ALDH4A1: variants seen among roughly 807,000 people sequenced by gnomAD.
ALDH4A1 encodes delta-1-pyrroline-5-carboxylate dehydrogenase, mitochondrial.
A neutral mutation model predicts 70.5 loss-of-function variants in ALDH4A1; 46 were observed. That is an observed-to-expected ratio of 0.65 (90% CI 0.51 to 0.83). The LOEUF (loss-of-function observed/expected upper bound fraction) is 0.83. ALDH4A1 is among the 40% of genes least tolerant of loss of function. The pLI, the probability that ALDH4A1 is intolerant of heterozygous loss-of-function variation, is 0.00. For synonymous variants in ALDH4A1, 323 were observed against 324.3 expected (o/e 1.00, Z 0.04); for missense variants, 749 against 766.5 (o/e 0.98, Z 0.27).
intron 1 of ALDH4A1, among the ~76,000 whole-genome samples, chr1:18,890,360 G>A (rs528085527): frequency 6.6e-6 from 1 of 152,306 alleles, no homozygotes; most frequent in African/African-American, 2.4e-5. Flanking sequence ...TGGCCAACAC[G>A]GTGAAATCCC....
chr1:18,875,322 G>A, intron 13 of ALDH4A1, 60 bp downstream of exon 13: 2 of 1,612,680 alleles, frequency 1.2e-6, no homozygotes, highest in Admixed American at 3.3e-5. Flanking sequence ...AGGAGGTGGG[G>A]ATGGGGACAC....
At chr1:18,874,397 G>A (rs547164308) in intron 14 of ALDH4A1, 66 bp downstream of exon 14, 29 of 1,442,314 alleles carry the variant, frequency 2.0e-5, no homozygotes, top group Admixed American at 1.8e-4. Context: ...GAAGCCCCTC[G>A]AGACGTAACA....
In ALDH4A1 at chr1:18,877,399, G is replaced by A; in HGVS notation, c.1137+17C>T. The A allele has an allele frequency of 4.5e-6, 7 of 1,558,910 alleles. No individual in the cohort carries two copies. Among genetic ancestry groups the A allele is most frequent in the Non-Finnish European group, 5.2e-6 (6 of 1,150,532 alleles). ...AGCCCCCCGCTGGGCCGCGGCGGGG[G>A]TGACGGTGCCACTCACGTCGCCCAC... On this transcript the variant is annotated intron_variant, in intron 10 of 14. Transcript: ENST00000375341.
At position 18,877,564 on chromosome 1, in the gene ALDH4A1, T is replaced by C. The variant is rs1457041286; in HGVS notation, c.989A>G (p.Glu330Gly). ...FHFVHRSADV[E>G]SVVSGTLRSA... ...GCGGAGGGTCCCGCTCACCACGCTC[T>C]CCACGTCGGCCGAGCGGTGCACGAA... The change falls in exon 10 of 15, where the codon GAG (glutamate) becomes GGG (glycine). Residue 330 changes from glutamate (E) to glycine (G), a missense_variant. Transcript: ENST00000375341. 6.9e-6 allele frequency: 11 copies of C among 1,585,962 alleles called. No homozygotes were observed. The highest frequency in any genetic ancestry group is 1.9e-4 in the Middle Eastern group (1 of 5,324).
At position 18,874,597 on chromosome 1, in the gene ALDH4A1, G is replaced by C; in HGVS notation, c.1461-16C>G. ...CACGACGTCCCTACAAAGCAGAGCA[G>C]TGGTGACAGAGCAACCAGCTCATCT... On this transcript the variant is annotated splice_polypyrimidine_tract_variant and intron_variant, in intron 13 of 14. Transcript: ENST00000375341. 6.2e-7 allele frequency: 1 copy of C among 1,613,640 alleles called. No homozygotes were observed. The highest frequency in any genetic ancestry group is 8.5e-7 in the Non-Finnish European group (1 of 1,179,550).
Position 18,874,481 on chromosome 1 carries a change from C to G in ALDH4A1, c.1561G>C (p.Gly521Arg). The G allele has an allele frequency of 1.9e-6, 3 of 1,614,086 alleles. No homozygotes were observed. The highest frequency in any genetic ancestry group is 1.3e-5 in the African/African-American group (1 of 75,054). ...CACTCACCAGAGGCTCGGGCCCCCC[C>G]AAAGGGCTGCTGGCCCACTATCGAG... ...TGSIVGQQPF[G>R]GARASGTNDK... The change falls in exon 14 of 15, where the codon GGG becomes CGG. Residue 521 changes from glycine (G) to arginine (R), a missense_variant. Physicochemically the swap from Gly to Arg is moderately radical, Grantham distance 125 (BLOSUM62 -2). Transcript: ENST00000375341.
rs2100575469 is a variant in ALDH4A1 at position 18,883,132 on chromosome 1, C to T, written c.670G>A (p.Ala224Thr). Reference protein sequence around the residue: ...AIGGNLAGAPALMGNVVLWKP... With the variant: ...AIGGNLAGAPTLMGNVVLWKP... ...CTGTGCCCACATCTCACCATCAGGG[C>T]CGGTGCCCCCGCCAGGTTGCCGCCG... The change falls in exon 7 of 15, where the codon GCC becomes ACC. Residue 224 changes from alanine to threonine, a missense_variant. By Grantham distance (58) the Ala-to-Thr change is moderately conservative (BLOSUM62 0). Coordinates refer to ENST00000375341, the MANE Select transcript of ALDH4A1 (RefSeq NM_003748.4). 1.2e-6 allele frequency: 2 copies of T among 1,613,168 alleles called. No homozygotes were observed. Among genetic ancestry groups the T allele is most frequent in the Non-Finnish European group, 1.7e-6 (2 of 1,180,040 alleles).
At chr1:18,891,214 A>G (rs548132920) in intron 1 of ALDH4A1, among the ~76,000 whole-genome samples, 2 of 152,338 alleles carry the variant, frequency 1.3e-5, no homozygotes, top group African/African-American at 4.8e-5. Flanking sequence ...CCCCCTCTGT[A>G]AATGAGAAGA....
chr1:18,888,459 A>G (rs1935303820), intron 3 of ALDH4A1, among the ~76,000 whole-genome samples: 2 of 152,250 alleles, frequency 1.3e-5, no homozygotes, highest in South Asian at 4.1e-4. Flanking sequence ...CAGGTCGGCA[A>G]GGCAATGTGG....
chr1:18,899,355 A>G (rs1396575811), intron 1 of ALDH4A1, among the ~76,000 whole-genome samples: 1 of 152,230 alleles, frequency 6.6e-6, no homozygotes, highest in Non-Finnish European at 1.5e-5. Context: ...GTAGTAACCA[A>G]TTCCGGCCCA....
chr1:18,877,136 T>A (rs1039450828), intron 11 of ALDH4A1, 72 bp downstream of exon 11: 6 of 1,552,360 alleles, frequency 3.9e-6, no homozygotes, highest in Non-Finnish European at 8.8e-7. Flanking sequence ...GGGTACCCTG[T>A]ATCTCTTCCT....
Position 18,876,330 on chromosome 1 carries a change from C to A in ALDH4A1, c.1323G>T (p.Glu441Asp). The change falls in exon 12 of 15, where the codon GAG becomes GAT. Residue 441 changes from glutamate (E) to aspartate (D), a missense_variant. By Grantham distance (45) the Glu-to-Asp change is conservative. Coordinates refer to ENST00000375341, the MANE Select transcript of ALDH4A1 (RefSeq NM_003748.4). Reference sequence around the variant, plus strand: ...CCCCAGTCACCTCCTTCATGATGGGCTCCTGAGGGTCCTTGCTCTCCACGA... The same window carrying A: ...CCCCAGTCACCTCCTTCATGATGGGATCCTGAGGGTCCTTGCTCTCCACGA... ...PCIVESKDPQEPIMKEEIFGP... is the reference protein window; with the variant it reads ...PCIVESKDPQDPIMKEEIFGP... 1 of 1,613,888 alleles carries A rather than the reference C, an allele frequency of 6.2e-7. No individual in the cohort carries two copies. The highest frequency in any genetic ancestry group is 8.5e-7 in the Non-Finnish European group (1 of 1,179,994).
Position 18,900,818 on chromosome 1 carries a change from T to C in ALDH4A1, c.62+1644A>G. The stretch of plus-strand genomic sequence containing the variant: ...TTTAGACCAAATGTAATTTCAGTCA[T>C]ATATCTCTGATGGCAGATCGTTTCC... On this transcript the variant is annotated intron_variant, in intron 1 of 14. Transcript: ENST00000375341. 4 of 974,610 alleles carry C rather than the reference T, an allele frequency of 4.1e-6. No homozygotes were observed. The South Asian group carries it at 1.4e-4, about 35-fold the overall frequency. The allele number at this position is 974,610 out of a possible 1,614,324, so 60.4% of individuals were successfully genotyped here.
intron 5 of ALDH4A1, 32 bp downstream of exon 5, chr1:18,885,441 G>GGCCCCCCCC: frequency 4.7e-6 from 2 of 423,746 alleles, no homozygotes; most frequent in Non-Finnish European, 7.7e-6. Context: ...ACCCCACCCC[G>GGCCCCCCCC]CCCCACCCAC....
intron 14 of ALDH4A1, among the ~76,000 whole-genome samples, chr1:18,873,863 GT>G (rs1176275870): frequency 1.3e-5 from 2 of 152,144 alleles, no homozygotes; most frequent in African/African-American, 4.8e-5. Context: ...CTTCTAATGC[GT>G]CGCAAAGTCA....
At chr1:18,882,537 C>CGA (rs777038180) in intron 7 of ALDH4A1, 2 of 528,152 alleles carry the variant, frequency 3.8e-6, no homozygotes, top group South Asian at 2.8e-5. Flanking sequence ...CCATCAACCC[C>CGA]GAGAGAGACT....
At chr1:18,885,436 A>ACCCCCCCCC in intron 5 of ALDH4A1, 37 bp downstream of exon 5, 1 of 386,868 alleles carries the variant, frequency 2.6e-6, no homozygotes, top group African/African-American at 4.2e-5. Flanking sequence ...CTCCCACCCC[A>ACCCCCCCCC]CCCCGCCCCA....
intron 9 of ALDH4A1, among the ~76,000 whole-genome samples, chr1:18,877,894 A>G (rs750846363): frequency 1.3e-5 from 2 of 152,146 alleles, no homozygotes; most frequent in Non-Finnish European, 2.9e-5. Flanking sequence ...GGGAAAACTG[A>G]AACTACCCAA....
chr1:18,899,847 A>G (rs1456527401), intron 1 of ALDH4A1, among the ~76,000 whole-genome samples: 3 of 152,230 alleles, frequency 2.0e-5, no homozygotes, highest in Non-Finnish European at 4.4e-5. Context: ...AAGGGCTCAC[A>G]TGATTAGTTC....
Sources: gnomAD v4.1 joint callset for allele counts (sites outside exome capture counted in the v4.1 genomes callset) on GRCh38, gnomAD v4.1.1 for gene constraint, MANE v1.5 for transcripts, NCBI Gene and HGNC (gene_info 2026-07-23, HGNC 2026-07-21) for gene names.